Variants in ST7 observed in about 807,000 individuals in gnomAD.
The protein encoded by ST7 is suppression of tumorigenicity 7.
Under a neutral mutation model 78.7 loss-of-function variants are expected in ST7, and 28 were observed. The ratio of observed to expected loss-of-function variants is 0.36; its 90% CI spans 0.26 to 0.49. ST7 has a LOEUF of 0.49. ST7 is among the 20% of genes least tolerant of loss of function. ST7 has a pLI of 0.99. For synonymous variants in ST7, 247 were observed against 249.6 expected, an observed-to-expected ratio of 0.99 and a Z score of 0.10; for missense variants, 418 against 696.0, an observed-to-expected ratio of 0.60 and a Z score of 4.49.
At chr7:117,160,243 A>AAAAAAAG (rs1563131029) in intron 9 of ST7, among the ~76,000 whole-genome samples, 1 of 150,500 alleles carries the variant, frequency 6.6e-6, no homozygotes, top group African/African-American at 2.5e-5. Context: ...AAAAAAAAAA[A>AAAAAAAG]AAAGAAAGAA....
At chr7:117,073,664 G>A (rs941617501) in intron 1 of ST7, among the ~76,000 whole-genome samples, 1 of 152,134 alleles carries the variant, frequency 6.6e-6, no homozygotes, top group Non-Finnish European at 1.5e-5. Flanking sequence ...CTCTATACCT[G>A]TTACCCCATC....
chr7:117,140,498 A>T (rs1197206415), intron 9 of ST7, among the ~76,000 whole-genome samples: 2 of 151,876 alleles, frequency 1.3e-5, no homozygotes, highest in Admixed American at 1.3e-4. Context: ...CATGCTTACA[A>T]TTTTTTTTCC....
chr7:117,100,837 A>G lies in ST7; in HGVS notation c.234+993A>G, dbSNP rs368988465. On this transcript the variant is annotated intron_variant, in intron 2 of 15. Coordinates refer to ENST00000323984, the MANE Select transcript of ST7 (RefSeq NM_001369598.1). ...ATAGAATTAAATGACCTTTAAGGCA[A>G]AAAGGTTTTAGAAAAGCTTTTTTTC... is the stretch of plus-strand genomic sequence containing the variant. Among the ~76,000 whole-genome samples, 4 of 152,174 alleles carry G rather than the reference A, an allele frequency of 2.6e-5. No homozygotes were observed. In the East Asian group the frequency reaches 5.8e-4, roughly 22 times the overall value.
chr7:116,964,006 G>A (rs949963512), intron 1 of ST7, among the ~76,000 whole-genome samples: 7 of 152,178 alleles, frequency 4.6e-5, no homozygotes, highest in African/African-American at 1.7e-4. Context: ...GGACTTTAAA[G>A]GCATCTCTTA....
chr7:116,973,028 A>G, intron 1 of ST7: 2 of 674,492 alleles, frequency 3.0e-6, no homozygotes, highest in Non-Finnish European at 5.4e-6. Flanking sequence ...TTATAGCAGT[A>G]TGGATTCATG....
chr7:117,222,840 G>C (rs201246864), intron 15 of ST7: 1 of 1,593,352 alleles, frequency 6.3e-7, no homozygotes, highest in Non-Finnish European at 8.6e-7. Flanking sequence ...ACTTGGCTGG[G>C]TTGATTTAAT....
intron 1 of ST7, among the ~76,000 whole-genome samples, chr7:116,957,667 C>T (rs1244832127): frequency 6.6e-6 from 1 of 152,068 alleles, no homozygotes; most frequent in Non-Finnish European, 1.5e-5. Context: ...AATACTTTTC[C>T]AAAGGGCAGA....
At chr7:117,099,991 A>T (rs1315372682) in intron 2 of ST7, 147 bp downstream of exon 2, 1 of 486,960 alleles carries the variant, frequency 2.1e-6, no homozygotes, top group East Asian at 3.5e-5. Context: ...GAGTGGACTC[A>T]TAGAAGCCTT....
At position 117,208,262 on chromosome 7, in the gene ST7, A is replaced by G. The variant is rs77966729; in HGVS notation, c.1255-1525A>G. On this transcript the variant is annotated intron_variant, in intron 12 of 15. Coordinates refer to ENST00000323984, the MANE Select transcript of ST7 (RefSeq NM_001369598.1). ...AGGCAGATGGCCAGAAAGCTCTTCT[A>G]GAACTCATGTTTGAGGAGTTCCACC... Among the ~76,000 whole-genome samples, 1,471 of 152,316 alleles carry G rather than the reference A, an allele frequency of 9.7e-3. 26 individuals are homozygous for G. The highest frequency in any genetic ancestry group is 0.034 in the African/African-American group (1,402 of 41,560).
intron 1 of ST7, among the ~76,000 whole-genome samples, chr7:117,068,928 A>G (rs1798778974): frequency 1.3e-5 from 2 of 152,214 alleles, no homozygotes; most frequent in African/African-American, 2.4e-5. Context: ...CAGGATTAAC[A>G]TACTGATGCA....
intron 9 of ST7, among the ~76,000 whole-genome samples, chr7:117,169,852 GT>G (rs1184140545): frequency 7.8e-6 from 1 of 128,636 alleles, no homozygotes; most frequent in Non-Finnish European, 1.6e-5. Flanking sequence ...CTGTGTGGCT[GT>G]TTTTCACTTT....
chr7:117,072,647 C>G (rs1280504660), intron 1 of ST7: 1 of 152,154 alleles, frequency 6.6e-6, no homozygotes, highest in African/African-American at 2.4e-5. Flanking sequence ...GAAATACATC[C>G]TTGCTTAGTG....
intron 1 of ST7, among the ~76,000 whole-genome samples, chr7:117,051,614 A>G (rs1347019479): frequency 2.0e-5 from 3 of 152,156 alleles, no homozygotes; most frequent in Non-Finnish European, 2.9e-5. Flanking sequence ...AGTGGACAGG[A>G]GGGAATAGAT....
intron 1 of ST7, among the ~76,000 whole-genome samples, chr7:117,097,908 A>ATATATATTT: frequency 2.7e-4 from 8 of 30,008 alleles, no homozygotes; most frequent in African/African-American, 1.1e-3. Context: ...ATATATATAT[A>ATATATATTT]TTTTTTTTTT....
At chr7:117,145,192 G>A (rs1805664397) in intron 9 of ST7, among the ~76,000 whole-genome samples, 1 of 144,792 alleles carries the variant, frequency 6.9e-6, no homozygotes, top group Non-Finnish European at 1.5e-5. Flanking sequence ...GCAACAGAAT[G>A]AGACCCCATC....
chr7:117,096,371 G>A (rs1801042816), intron 1 of ST7, among the ~76,000 whole-genome samples: 1 of 152,160 alleles, frequency 6.6e-6, no homozygotes, highest in African/African-American at 2.4e-5. Flanking sequence ...GAAATGACAA[G>A]CTCACAGGGG....
chr7:116,995,489 A>C (rs1374122616), intron 1 of ST7, among the ~76,000 whole-genome samples: 1 of 152,210 alleles, frequency 6.6e-6, no homozygotes, highest in Non-Finnish European at 1.5e-5. Context: ...TAGAGGTGAC[A>C]TACAAGCTAT....
chr7:117,005,699 G>C (rs1269191250), intron 1 of ST7, among the ~76,000 whole-genome samples: 1 of 151,970 alleles, frequency 6.6e-6, no homozygotes, highest in Non-Finnish European at 1.5e-5. Flanking sequence ...AATAAATTCT[G>C]CTCATGAAAA....
intron 1 of ST7, among the ~76,000 whole-genome samples, chr7:116,979,351 A>G (rs1793844877): frequency 6.6e-6 from 1 of 152,184 alleles, no homozygotes. Context: ...TCAAGATTCC[A>G]TTTACAGCAG....
Sources: gnomAD v4.1 joint callset for allele counts (sites outside exome capture counted in the v4.1 genomes callset) on GRCh38, gnomAD v4.1.1 for gene constraint, MANE v1.5 for transcripts, NCBI Gene and HGNC (gene_info 2026-07-23, HGNC 2026-07-21) for gene names.